The following ARHGAP15 variants were observed in gnomAD, a reference collection of about 807,000 sequenced individuals.
The protein encoded by ARHGAP15 is rho GTPase-activating protein 15.
A neutral mutation model predicts 63.7 loss-of-function variants in ARHGAP15; 51 were observed. The ratio of observed to expected loss-of-function variants is 0.80; its 90% CI spans 0.64 to 1.01. The LOEUF (loss-of-function observed/expected upper bound fraction) is 1.01, where lower values mean the gene tolerates loss of function less well. ARHGAP15 is among the 50% of genes least tolerant of loss of function. ARHGAP15 has a pLI of 0.00. For missense variants in ARHGAP15, 560 were observed against 564.6 expected (o/e 0.99, Z 0.08); for synonymous variants, 191 against 193.8 (o/e 0.99, Z 0.12).
At chr2:143,685,110 T>TGTAA (rs1280916890) in intron 12 of ARHGAP15, among the ~76,000 whole-genome samples, 5 of 152,192 alleles carry the variant, frequency 3.3e-5, no homozygotes, top group African/African-American at 7.2e-5. Context: ...ACAACTAGAA[T>TGTAA]GTAAGTTTTG....
intron 2 of ARHGAP15, among the ~76,000 whole-genome samples, chr2:143,199,270 T>G (rs1217721387): frequency 3.3e-5 from 5 of 152,098 alleles, no homozygotes; most frequent in African/African-American, 1.2e-4. Context: ...GCATCAACTA[T>G]GGGTAACATA....
intron 2 of ARHGAP15, among the ~76,000 whole-genome samples, chr2:143,166,787 C>T (rs1286042315): frequency 6.6e-6 from 1 of 151,894 alleles, no homozygotes; most frequent in Non-Finnish European, 1.5e-5. Flanking sequence ...TGATTTTAAC[C>T]TACTTTAAAC....
At chr2:143,483,498 T>G (rs1200134556) in intron 8 of ARHGAP15, among the ~76,000 whole-genome samples, 2 of 152,338 alleles carry the variant, frequency 1.3e-5, no homozygotes, top group Admixed American at 6.5e-5. Flanking sequence ...TGTGAAAACT[T>G]AGATTGATTA....
At chr2:143,760,819 T>G (rs1220643489) in intron 13 of ARHGAP15, among the ~76,000 whole-genome samples, 1 of 152,148 alleles carries the variant, frequency 6.6e-6, no homozygotes, top group Non-Finnish European at 1.5e-5. Context: ...TTTAGGATGA[T>G]AGTTGTTTTG....
intron 1 of ARHGAP15, 55 bp from the exon 2 acceptor site, chr2:143,155,421 GT>G: frequency 7.0e-7 from 1 of 1,431,878 alleles, no homozygotes; most frequent in Non-Finnish European, 9.3e-7. Context: ...TCCATCAAGA[GT>G]TTTCATGGAA....
chr2:143,566,424 G>T (rs1276020345), intron 11 of ARHGAP15, among the ~76,000 whole-genome samples: 2 of 152,244 alleles, frequency 1.3e-5, no homozygotes, highest in Middle Eastern at 3.4e-3. Flanking sequence ...CGGAAGTACA[G>T]CAGTGACTAG....
chr2:143,148,923 G>C (rs1215850756), intron 1 of ARHGAP15, among the ~76,000 whole-genome samples: 1 of 152,050 alleles, frequency 6.6e-6, no homozygotes, highest in Non-Finnish European at 1.5e-5. Context: ...AATGGCTGCT[G>C]TGGTGGAGAC....
intron 6 of ARHGAP15, among the ~76,000 whole-genome samples, chr2:143,337,023 G>T (rs1042354562): frequency 1.3e-5 from 2 of 152,132 alleles, no homozygotes; most frequent in South Asian, 2.1e-4. Context: ...GAGGTGGAAG[G>T]GGGTGGGAGA....
chr2:143,589,876 A>G (rs1697255603), intron 11 of ARHGAP15, among the ~76,000 whole-genome samples: 1 of 152,188 alleles, frequency 6.6e-6, no homozygotes, highest in Non-Finnish European at 1.5e-5. Flanking sequence ...AATAGGTGAA[A>G]TGTATTTTTT....
intron 11 of ARHGAP15, among the ~76,000 whole-genome samples, chr2:143,564,615 T>C (rs1297827370): frequency 6.6e-6 from 1 of 152,108 alleles, no homozygotes; most frequent in African/African-American, 2.4e-5. Context: ...ACATAACATA[T>C]ACAAGATTTG....
At chr2:143,684,248 A>G (rs1017898592) in intron 12 of ARHGAP15, among the ~76,000 whole-genome samples, 1 of 152,202 alleles carries the variant, frequency 6.6e-6, no homozygotes, top group African/African-American at 2.4e-5. Context: ...ACTACACACT[A>G]CCACCCTGAT....
intron 11 of ARHGAP15, among the ~76,000 whole-genome samples, chr2:143,622,977 C>T (rs1022033751): frequency 3.3e-5 from 5 of 152,108 alleles, no homozygotes; most frequent in African/African-American, 9.7e-5. Flanking sequence ...TGAATGCGAG[C>T]CCAAGACATC....
chr2:143,614,042 A>C (rs1698364295), intron 11 of ARHGAP15, among the ~76,000 whole-genome samples: 1 of 152,084 alleles, frequency 6.6e-6, no homozygotes, highest in Admixed American at 6.6e-5. Context: ...GGCATCCCAA[A>C]TGCATCATGT....
chr2:143,387,385 T>C (rs1193993932), intron 6 of ARHGAP15, among the ~76,000 whole-genome samples: 2 of 152,168 alleles, frequency 1.3e-5, no homozygotes, highest in East Asian at 3.8e-4. Flanking sequence ...TCCTTCACAT[T>C]TGTCATTATA....
intron 10 of ARHGAP15, among the ~76,000 whole-genome samples, chr2:143,536,498 T>C (rs1469849621): frequency 6.6e-6 from 1 of 150,600 alleles, no homozygotes; most frequent in Non-Finnish European, 1.5e-5. Flanking sequence ...GCATTAGGTA[T>C]ATCTCCTAAT....
intron 10 of ARHGAP15, among the ~76,000 whole-genome samples, chr2:143,543,499 G>T (rs1462240693): frequency 1.3e-5 from 2 of 152,002 alleles, no homozygotes; most frequent in Non-Finnish European, 2.9e-5. Flanking sequence ...CCATTCTATA[G>T]GTTGCCACTC....
chr2:143,177,144 G>A (rs1018561498), intron 2 of ARHGAP15, among the ~76,000 whole-genome samples: 1 of 152,164 alleles, frequency 6.6e-6, no homozygotes, highest in South Asian at 2.1e-4. Context: ...TAAAATATGC[G>A]ACATAACTGA....
chr2:143,180,676 T>A (rs887636494), intron 2 of ARHGAP15, among the ~76,000 whole-genome samples: 2 of 152,160 alleles, frequency 1.3e-5, no homozygotes, highest in Non-Finnish European at 2.9e-5. Context: ...TTCTTTTTTT[T>A]ATTATTTTTT....
rs16858638 is a variant in ARHGAP15 at position 143,145,123 on chromosome 2, G to A, written c.-14-10354G>A. On this transcript the variant is annotated intron_variant, in intron 1 of 13. Coordinates refer to ENST00000295095, the MANE Select transcript of ARHGAP15 (RefSeq NM_018460.4). ...ATAGCTCTCTTTCTCTTTACTACCAGAAGCATGTGCACATCTGGAACTGGT... is the reference window on the plus strand; with the variant it reads ...ATAGCTCTCTTTCTCTTTACTACCAAAAGCATGTGCACATCTGGAACTGGT... 7.3e-3 allele frequency among the ~76,000 whole-genome samples: 1,115 copies of A among 152,094 alleles called. 12 individuals carry two copies. Among genetic ancestry groups the A allele is most frequent in the African/African-American group, 0.026 (1,080 of 41,512 alleles).
Sources: gnomAD v4.1 joint callset for allele counts (sites outside exome capture counted in the v4.1 genomes callset) on GRCh38, gnomAD v4.1.1 for gene constraint, MANE v1.5 for transcripts, NCBI Gene and HGNC (gene_info 2026-07-23, HGNC 2026-07-21) for gene names.